Variants in ASXL3 observed in about 807,000 individuals in gnomAD.
ASXL3 encodes the protein putative Polycomb group protein ASXL3.
A neutral mutation model predicts 170.6 loss-of-function variants in ASXL3; 34 were observed. The observed-to-expected ratio is 0.20, with a 90% CI of 0.15 to 0.27. The LOEUF (loss-of-function observed/expected upper bound fraction) is 0.27, where lower values mean the gene tolerates loss of function less well. Among genes scored for constraint, ASXL3 ranks in the 10% least tolerant of loss-of-function variants. The probability of loss-of-function intolerance (pLI) is 1.00; values close to 1 mark genes in which losing one functional copy is unlikely to be tolerated. For synonymous variants in ASXL3, 1,002 were observed against 989.1 expected (o/e 1.01, Z -0.24); for missense variants, 2,592 against 2,695.3 (o/e 0.96, Z 0.85).
chr18:33,646,609 A>G (rs1053330644), intron 4 of ASXL3, among the ~76,000 whole-genome samples: 2 of 151,954 alleles, frequency 1.3e-5, no homozygotes, highest in Non-Finnish European at 2.9e-5. Context: ...TTAAGTATCA[A>G]CATATTTCTC....
chr18:33,725,790 T>C (rs186429992), intron 8 of ASXL3, among the ~76,000 whole-genome samples: 2 of 152,296 alleles, frequency 1.3e-5, no homozygotes, highest in East Asian at 3.9e-4. Flanking sequence ...TGTACTCAGT[T>C]AGCAAGCCTT....
chr18:33,745,976 C>T lies in ASXL3; in HGVS notation c.6128C>T (p.Pro2043Leu), dbSNP rs1331729227. Reference protein sequence around the residue: ...PPPPPPPPLPPPLPNAEVPSD... With the variant: ...PPPPPPPPLPLPLPNAEVPSD... ...CCCCCCCCACCACCTCCGCTACCTC[C>T]ACCTCTCCCTAATGCAGAAGTCCCA... Residue 2043 changes from proline to leucine, a missense_variant, in exon 12 of 12, where the codon CCA becomes CTA. This residue lies in a region of ASXL3 where 2,246 missense variants were observed against 2,219.6 expected (regional missense o/e 1.01). Transcript: ENST00000269197. 6.3e-7 allele frequency: 1 copy of T among 1,596,576 alleles called. No individual in the cohort carries two copies. The highest frequency in any genetic ancestry group is 1.7e-5 in the Admixed American group (1 of 58,138).
chr18:33,711,310 A>G (rs1281399496), intron 8 of ASXL3, among the ~76,000 whole-genome samples: 1 of 152,164 alleles, frequency 6.6e-6, no homozygotes, highest in Non-Finnish European at 1.5e-5. Flanking sequence ...AATTTGATGA[A>G]TATTCTTCTC....
At chr18:33,697,938 T>C (rs748767129) in intron 8 of ASXL3, among the ~76,000 whole-genome samples, 9 of 152,174 alleles carry the variant, frequency 5.9e-5, no homozygotes, top group Non-Finnish European at 1.2e-4. Context: ...CTGTGACCTA[T>C]AACTACATTG....
chr18:33,614,368 G>C (rs913435215), intron 2 of ASXL3: 4 of 152,128 alleles, frequency 2.6e-5, no homozygotes, highest in Non-Finnish European at 5.9e-5. Context: ...TTTATCATGA[G>C]ATTGAAACAG....
chr18:33,625,239 C>T (rs2065583670), intron 2 of ASXL3, among the ~76,000 whole-genome samples: 3 of 152,050 alleles, frequency 2.0e-5, no homozygotes, highest in Admixed American at 6.6e-5. Flanking sequence ...CTCGTTTGCA[C>T]GTCCTGTATG....
chr18:33,667,444 G>A (rs1416108215), intron 5 of ASXL3, among the ~76,000 whole-genome samples: 1 of 152,068 alleles, frequency 6.6e-6, no homozygotes, highest in East Asian at 1.9e-4. Flanking sequence ...TAAAGCCTTG[G>A]CAACCATTTT....
rs554834298 is a variant in ASXL3 at position 33,652,603 on chromosome 18, C to CAAAAAAAAAAAA, written c.355+6252_355+6263dup. Among the ~76,000 whole-genome samples, 288 of 112,182 alleles carry CAAAAAAAAAAAA rather than the reference C, an allele frequency of 2.6e-3. 11 individuals are homozygous for CAAAAAAAAAAAA. Among genetic ancestry groups the CAAAAAAAAAAAA allele is most frequent in the African/African-American group, 7.2e-3 (207 of 28,700 alleles). The allele number at this position is 112,182 out of a possible 152,430, so 73.6% of individuals were successfully genotyped here. A position where few individuals can be genotyped will look rare whatever the true frequency, so the allele number is the denominator to read the frequency against. The stretch of plus-strand genomic sequence containing the variant: ...AGTATTTTAAAAGTTTCTGTTGGGG[C>CAAAAAAAAAAAA]AAAAAAAAAAAAAGAACATGAATCT... On this transcript the variant is annotated intron_variant, in intron 4 of 11. Coordinates refer to ENST00000269197, the MANE Select transcript of ASXL3 (RefSeq NM_030632.3).
chr18:33,663,760 C>G (rs751741566), intron 5 of ASXL3, among the ~76,000 whole-genome samples: 1 of 152,046 alleles, frequency 6.6e-6, no homozygotes. Flanking sequence ...GCTATTCTTG[C>G]AGAATTTTGC....
chr18:33,689,673 A>G (rs796597636), intron 8 of ASXL3, among the ~76,000 whole-genome samples: 17 of 152,360 alleles, frequency 1.1e-4, no homozygotes, highest in African/African-American at 3.8e-4. Flanking sequence ...GTTAGGTGGC[A>G]CACAACTTTG....
intron 5 of ASXL3, among the ~76,000 whole-genome samples, chr18:33,668,925 T>C (rs981433573): frequency 6.6e-6 from 1 of 151,730 alleles, no homozygotes; most frequent in African/African-American, 2.4e-5. Flanking sequence ...ACACACAAAC[T>C]ATTTTTAAAA....
At chr18:33,673,256 A>C (rs2066373787) in intron 7 of ASXL3, among the ~76,000 whole-genome samples, 1 of 152,192 alleles carries the variant, frequency 6.6e-6, no homozygotes, top group South Asian at 2.1e-4. Flanking sequence ...CCATGTAATG[A>C]GTGTACAAAA....
In ASXL3 at chr18:33,740,267, G is replaced by C. The variant is rs1193553662; in HGVS notation, c.2863G>C (p.Glu955Gln). ...CAAGTCACCTGATGGGATAAGAAAT[G>C]AAAGTAGAGATTCAGAGATATCAAA... is the stretch of plus-strand genomic sequence containing the variant. Reference protein sequence around the residue: ...PSKSPDGIRNESRDSEISKRK... With the variant: ...PSKSPDGIRNQSRDSEISKRK... The change falls in exon 11 of 12, where the codon GAA (glutamate) becomes CAA (glutamine). Residue 955 changes from glutamate (E) to glutamine (Q), a missense_variant. Glu to Gln is a conservative substitution (Grantham distance 29). Around this residue, in one of 4 missense-constraint regions of ASXL3, gnomAD observed 2,246 missense variants for 2,219.6 expected, o/e 1.01. Coordinates refer to ENST00000269197, the MANE Select transcript of ASXL3 (RefSeq NM_030632.3). The C allele has an allele frequency of 6.2e-7, 1 of 1,613,062 alleles. No homozygotes were observed. The highest frequency in any genetic ancestry group is 8.5e-7 in the Non-Finnish European group (1 of 1,179,430).
chr18:33,653,679 T>C (rs1343075136), intron 4 of ASXL3, among the ~76,000 whole-genome samples: 1 of 152,048 alleles, frequency 6.6e-6, no homozygotes, highest in Non-Finnish European at 1.5e-5. Flanking sequence ...GTTTCCTCTC[T>C]CCTGCCAGTG....
chr18:33,632,894 C>A (rs1333137903), intron 2 of ASXL3, among the ~76,000 whole-genome samples: 1 of 152,188 alleles, frequency 6.6e-6, no homozygotes, highest in Non-Finnish European at 1.5e-5. Flanking sequence ...TGCATGAAGT[C>A]TAAGCTCCTT....
chr18:33,620,279 T>A (rs1266774336), intron 2 of ASXL3, among the ~76,000 whole-genome samples: 2 of 152,180 alleles, frequency 1.3e-5, no homozygotes, highest in African/African-American at 4.8e-5. Flanking sequence ...TAATTTGTGT[T>A]CATTGAAGAT....
intron 7 of ASXL3, among the ~76,000 whole-genome samples, chr18:33,674,821 T>C (rs1245487181): frequency 2.0e-5 from 3 of 152,044 alleles, no homozygotes; most frequent in African/African-American, 7.2e-5. Context: ...GGTTTCACCA[T>C]GTTAGCCAGG....
intron 1 of ASXL3, among the ~76,000 whole-genome samples, chr18:33,580,091 A>C (rs756003542): frequency 6.6e-6 from 1 of 152,196 alleles, no homozygotes; most frequent in Non-Finnish European, 1.5e-5. Context: ...TGGAGTGCCC[A>C]GGTCCCTTTA....
chr18:33,673,614 C>T (rs568418945), intron 7 of ASXL3, among the ~76,000 whole-genome samples: 1 of 152,116 alleles, frequency 6.6e-6, no homozygotes, highest in African/African-American at 2.4e-5. Flanking sequence ...GATCCGCCTG[C>T]CTTTGCCTCC....
Sources: gnomAD v4.1 joint callset for allele counts (sites outside exome capture counted in the v4.1 genomes callset) on GRCh38, gnomAD v4.1.1 for gene constraint, gnomAD v4.1.1 regional missense constraint, MANE v1.5 for transcripts, NCBI Gene and HGNC (gene_info 2026-07-23, HGNC 2026-07-21) for gene names.